The following KANK1 variants were observed in gnomAD, a reference collection of about 807,000 sequenced individuals.
The protein encoded by KANK1 is KN motif and ankyrin repeat domains 1.
A neutral mutation model predicts 106.2 loss-of-function variants in KANK1; 109 were observed. The observed-to-expected ratio is 1.03, with a 90% CI of 0.88 to 1.20. The LOEUF is 1.20. Ranked by LOEUF, KANK1 falls within the 50% of genes most tolerant of loss-of-function variation. KANK1 has a pLI of 0.00. For missense variants in KANK1, 2,399 were observed against 1,710.7 expected (o/e 1.40, Z -7.10); for synonymous variants, 873 against 652.2 (o/e 1.34, Z -5.16).
At chr9:524,731 G>T (rs760937551) in intron 1 of KANK1, among the ~76,000 whole-genome samples, 3 of 151,454 alleles carry the variant, frequency 2.0e-5, no homozygotes, top group Non-Finnish European at 2.9e-5. Flanking sequence ...TTGGCCAGCT[G>T]GTCTCAAACT....
intron 7 of KANK1, among the ~76,000 whole-genome samples, chr9:737,125 C>G (rs1834004903): frequency 1.3e-5 from 2 of 152,094 alleles, no homozygotes; most frequent in Non-Finnish European, 2.9e-5. Context: ...TGTCAGGACA[C>G]CAGTTATTTA....
intron 2 of KANK1, among the ~76,000 whole-genome samples, chr9:695,460 T>C (rs1356721610): frequency 3.1e-5 from 2 of 65,372 alleles, no homozygotes; most frequent in Non-Finnish European, 7.1e-5. Context: ...GCCCAAGCAG[T>C]GCGTGTGCAC....
chr9:575,754 G>T (rs1270607874), intron 1 of KANK1, among the ~76,000 whole-genome samples: 1 of 152,220 alleles, frequency 6.6e-6, no homozygotes, highest in Non-Finnish European at 1.5e-5. Flanking sequence ...GGGCACAGTG[G>T]CTCATGCCTG....
chr9:659,042 C>T (rs1169018395), intron 1 of KANK1, among the ~76,000 whole-genome samples: 3 of 152,262 alleles, frequency 2.0e-5, no homozygotes, highest in South Asian at 2.1e-4. Context: ...TAGCATAATA[C>T]GTTTATAACT....
rs779713995 is a variant in KANK1, at chr9:731,189, C to T, written c.2928C>T (p.Ser976=). The T allele has an allele frequency of 4.7e-5, 76 of 1,610,964 alleles. No individual in the cohort carries two copies. The highest frequency in any genetic ancestry group is 5.9e-5 in the Non-Finnish European group (70 of 1,177,686). Residue 976 remains serine (S), a synonymous_variant, in exon 5 of 12, where the codon TCC becomes TCT. Transcript: ENST00000382297. The part of the protein sequence containing the change: ...ACTNNESTLK[S]IMKKKDGNKD... ...CAAACAATGAAAGTACACTGAAGTC[C>T]ATCATGAAGAAGAAAGATGGTAACA...
At chr9:721,325 G>C (rs1409203659) in intron 3 of KANK1, among the ~76,000 whole-genome samples, 2 of 152,176 alleles carry the variant, frequency 1.3e-5, no homozygotes, top group Non-Finnish European at 2.9e-5. Flanking sequence ...GGTATCTGCA[G>C]GCACAAATAA....
At position 740,869 on chromosome 9, in the gene KANK1, G is replaced by A. The variant is rs775838462; in HGVS notation, c.3631G>A (p.Glu1211Lys). Residue 1211 changes from glutamate (E) to lysine (K), a missense_variant, in exon 9 of 12, where the codon GAG becomes AAG. Coordinates refer to ENST00000382297, the MANE Select transcript of KANK1 (RefSeq NM_015158.5). ...GGCGGCCCTCGCCGCTGTGGAAGCA[G>A]AGAAGGACATGCGGATTGTGGAAGA... ...MLAALAAVEA[E>K]KDMRIVEELF... The A allele has an allele frequency of 2.5e-6, 4 of 1,614,140 alleles. No individual in the cohort carries two copies. Among genetic ancestry groups the A allele is most frequent in the Admixed American group, 3.3e-5 (2 of 60,014 alleles).
chr9:594,647 C>T (rs1447776534), intron 1 of KANK1, among the ~76,000 whole-genome samples: 1 of 151,656 alleles, frequency 6.6e-6, no homozygotes, highest in Non-Finnish European at 1.5e-5. Flanking sequence ...AATGGAGAAT[C>T]CCTGAGTGTT....
chr9:541,366 G>T (rs1303896913), intron 1 of KANK1, among the ~76,000 whole-genome samples: 1 of 152,096 alleles, frequency 6.6e-6, no homozygotes, highest in African/African-American at 2.4e-5. Flanking sequence ...GAAAAACTGG[G>T]CATCCACATA....
In KANK1 at chr9:712,433, A is replaced by C; in HGVS notation, c.1667A>C (p.Lys556Thr). 6.2e-7 allele frequency: 1 copy of C among 1,614,166 alleles called. No homozygotes were observed. The highest frequency in any genetic ancestry group is 8.5e-7 in the Non-Finnish European group (1 of 1,180,034). ...SVGISCQPEC[K>T]NKVVGPELPM... is the part of the protein sequence containing the mutation. ...GGCATCTCCTGCCAGCCTGAATGTA[A>C]GAATAAAGTCGTAGGGCCTGAGCTG... Residue 556 changes from lysine to threonine, a missense_variant, in exon 3 of 12, where the codon AAG (lysine) becomes ACG (threonine). Lys to Thr is a moderately conservative substitution (Grantham distance 78). Coordinates refer to ENST00000382297, the MANE Select transcript of KANK1 (RefSeq NM_015158.5).
At chr9:587,238 T>C (rs1823716064) in intron 1 of KANK1, among the ~76,000 whole-genome samples, 1 of 152,238 alleles carries the variant, frequency 6.6e-6, no homozygotes, top group African/African-American at 2.4e-5. Context: ...CCCTAGTCTT[T>C]TATGCTCCAA....
chr9:557,824 G>T (rs1186791330), intron 1 of KANK1, among the ~76,000 whole-genome samples: 3 of 152,324 alleles, frequency 2.0e-5, no homozygotes, highest in South Asian at 2.1e-4. Context: ...GAGCCCAGAA[G>T]TTTGAGGCCA....
chr9:519,766 C>T (rs1034195095), intron 1 of KANK1, among the ~76,000 whole-genome samples: 1 of 151,708 alleles, frequency 6.6e-6, no homozygotes, highest in East Asian at 1.9e-4. Flanking sequence ...TGAGCCTTGT[C>T]GTCTTTGAAC....
chr9:501,435 T>C (rs2058549381), upstream of KANK1, among the ~76,000 whole-genome samples: 1 of 152,136 alleles, frequency 6.6e-6, no homozygotes, highest in East Asian at 1.9e-4. Context: ...TAGTGTTGCA[T>C]AGACCATTCT....
At chr9:708,610 G>A (rs927283014) in intron 2 of KANK1, among the ~76,000 whole-genome samples, 2 of 152,274 alleles carry the variant, frequency 1.3e-5, no homozygotes, top group African/African-American at 4.8e-5. Context: ...CATTTGGGAA[G>A]AAAGCGGGCA....
At chr9:608,426 T>G (rs544035622) in intron 1 of KANK1, among the ~76,000 whole-genome samples, 1 of 151,912 alleles carries the variant, frequency 6.6e-6, no homozygotes, top group Non-Finnish European at 1.5e-5. Context: ...CTTAAAGAGC[T>G]AAAAGAAATC....
chr9:630,122 C>CCTAT (rs1357140805), intron 1 of KANK1, among the ~76,000 whole-genome samples: 1 of 152,074 alleles, frequency 6.6e-6, no homozygotes, highest in Non-Finnish European at 1.5e-5. Flanking sequence ...GTGGCATGTG[C>CCTAT]CTATAGTCCC....
At chr9:653,598 A>G (rs796820803) in intron 1 of KANK1, among the ~76,000 whole-genome samples, 12 of 152,046 alleles carry the variant, frequency 7.9e-5, no homozygotes, top group African/African-American at 2.9e-4. Context: ...AAACCACAAA[A>G]CTTTGCATTT....
Position 604,910 on chromosome 9 carries a change from A to G in KANK1, c.-83-71980A>G, listed in dbSNP as rs903218. ...GTCAATTAAACCTTTTTTCTTCATA[A>G]ATTGCTCAGTCTCAGGTAGTTCTTT... On this transcript the variant is annotated intron_variant, in intron 1 of 11. Transcript: ENST00000382297. Among the ~76,000 whole-genome samples the G allele has an allele frequency of 1.2e-3, 179 of 151,976 alleles. 8 individuals are homozygous for G. The highest frequency in any genetic ancestry group is 4.1e-3 in the African/African-American group (168 of 41,250).
Sources: allele counts gnomAD v4.1 joint callset (sites outside exome capture counted in the v4.1 genomes callset), GRCh38; gene constraint gnomAD v4.1.1; transcripts MANE v1.5; gene names NCBI Gene and HGNC (gene_info 2026-07-23, HGNC 2026-07-21).